PCDHA3: variants seen among roughly 807,000 people sequenced by gnomAD.
PCDHA3 encodes the protein protocadherin alpha 3.
Under a neutral mutation model 62.2 loss-of-function variants are expected in PCDHA3, and 41 were observed. The ratio of observed to expected loss-of-function variants is 0.66; its 90% CI spans 0.51 to 0.86. The LOEUF is 0.86. Ranked by LOEUF, PCDHA3 falls within the 40% of genes least tolerant of loss-of-function variation. The pLI, the probability that PCDHA3 is intolerant of heterozygous loss-of-function variation, is 0.00. For missense variants in PCDHA3, 1,304 were observed against 1,241.2 expected (o/e 1.05, Z -0.76); for synonymous variants, 640 against 555.4 (o/e 1.15, Z -2.14).
At chr5:141,007,878 C>G (rs1316002060) in intron 3 of PCDHA3, among the ~76,000 whole-genome samples, 5 of 152,212 alleles carry the variant, frequency 3.3e-5, no homozygotes, top group African/African-American at 7.2e-5. Flanking sequence ...TTGTCTTACA[C>G]TTCTTTAAAA....
chr5:140,896,738 T>C (rs2065731964), intron 1 of PCDHA3, among the ~76,000 whole-genome samples: 2 of 152,180 alleles, frequency 1.3e-5, no homozygotes, highest in African/African-American at 4.8e-5. Context: ...AAGTTCCTTA[T>C]AGATTCTGGA....
At chr5:140,830,056 T>G (rs1770781900) in intron 1 of PCDHA3, 1 of 1,613,606 alleles carries the variant, frequency 6.2e-7, no homozygotes, top group Non-Finnish European at 8.5e-7. Flanking sequence ...AAGACCACGG[T>G]GAGCCGGCGC....
chr5:140,910,766 T>C (rs2075154722), intron 1 of PCDHA3, among the ~76,000 whole-genome samples: 2 of 152,198 alleles, frequency 1.3e-5, no homozygotes, highest in South Asian at 2.1e-4. Context: ...CTTTTTAAAC[T>C]CCCCAAGCTG....
chr5:140,986,246 C>T (rs561365390), intron 3 of PCDHA3, among the ~76,000 whole-genome samples: 1 of 152,178 alleles, frequency 6.6e-6, no homozygotes, highest in African/African-American at 2.4e-5. Flanking sequence ...TGAGCAGACC[C>T]GGACCACAGG....
At chr5:140,884,864 T>C (rs1048751495) in intron 1 of PCDHA3, among the ~76,000 whole-genome samples, 1 of 152,234 alleles carries the variant, frequency 6.6e-6, no homozygotes, top group African/African-American at 2.4e-5. Flanking sequence ...TCACAAACCA[T>C]AATGAAATGT....
chr5:140,808,904 A>T (rs1764298132), intron 1 of PCDHA3: 1 of 1,613,488 alleles, frequency 6.2e-7, no homozygotes, highest in East Asian at 2.2e-5. Flanking sequence ...GGCGGGTGGC[A>T]CTGGTGGCGC....
At position 141,011,045 on chromosome 5, in the gene PCDHA3, G is replaced by A. The variant is rs949707438; in HGVS notation, c.*1108G>A. 2 of 153,712 alleles carry A rather than the reference G, an allele frequency of 1.3e-5. No individual in the cohort carries two copies. Among genetic ancestry groups the A allele is most frequent in the African/African-American group, 4.8e-5 (2 of 41,422 alleles). The allele number at this position is 153,712 out of a possible 1,614,324, so 9.5% of individuals were successfully genotyped here. ...CAGCTTTACTCTTTCAGGTCACTCT[G>A]GGGCTGCCTCTTGCATGTATTACTA... On this transcript the variant is annotated 3_prime_UTR_variant, in exon 4 of 4. Coordinates refer to ENST00000522353, the MANE Select transcript of PCDHA3 (RefSeq NM_018906.3).
intron 1 of PCDHA3, among the ~76,000 whole-genome samples, chr5:140,960,872 AAT>A (rs2095576865): frequency 6.6e-6 from 1 of 152,232 alleles, no homozygotes; most frequent in Admixed American, 6.5e-5. Flanking sequence ...AATTAGCTGA[AAT>A]ACACACTAAT....
At chr5:140,882,088 T>G (rs1334008975) in intron 1 of PCDHA3, 3 of 1,087,274 alleles carry the variant, frequency 2.8e-6, no homozygotes, top group African/African-American at 1.6e-5. Flanking sequence ...CGCTCTTCAC[T>G]GAGAACGTTT....
chr5:140,846,369 CTTTCTTTTTTT>C (rs1554141260), intron 1 of PCDHA3, among the ~76,000 whole-genome samples: 1 of 102,192 alleles, frequency 9.8e-6, no homozygotes, highest in Admixed American at 1.1e-4. Context: ...TCTTTTCTTT[CTTTCTTTTTTT>C]TTTTTTTTTT....
intron 1 of PCDHA3, among the ~76,000 whole-genome samples, chr5:140,872,998 G>C (rs2054022914): frequency 6.6e-6 from 1 of 152,060 alleles, no homozygotes; most frequent in African/African-American, 2.4e-5. Flanking sequence ...TTACTTCTGA[G>C]TCATTCTTCA....
chr5:140,944,463 A>C (rs2093660880), intron 1 of PCDHA3, among the ~76,000 whole-genome samples: 1 of 152,198 alleles, frequency 6.6e-6, no homozygotes, highest in Admixed American at 6.5e-5. Flanking sequence ...CTGGGATTAC[A>C]GGTATGAGGC....
At chr5:141,003,123 T>C (rs1387983867) in intron 3 of PCDHA3, among the ~76,000 whole-genome samples, 1 of 152,240 alleles carries the variant, frequency 6.6e-6, no homozygotes, top group Non-Finnish European at 1.5e-5. Flanking sequence ...GGCCCTTTCC[T>C]GGCATTTGCC....
At chr5:140,996,697 C>T (rs559736986) in intron 3 of PCDHA3, among the ~76,000 whole-genome samples, 1 of 152,236 alleles carries the variant, frequency 6.6e-6, no homozygotes, top group East Asian at 1.9e-4. Flanking sequence ...TCTTCTGAAC[C>T]TCTATCTCTT....
At chr5:140,871,651 T>C (rs1415489448) in intron 1 of PCDHA3, 20 of 1,258,470 alleles carry the variant, frequency 1.6e-5, no homozygotes, top group Non-Finnish European at 1.9e-5. Flanking sequence ...TACCAAATGA[T>C]ACACATCTTC....
At chr5:140,865,367 A>G (rs1392735028) in intron 1 of PCDHA3, 1 of 152,348 alleles carries the variant, frequency 6.6e-6, no homozygotes, top group Middle Eastern at 3.4e-3. Flanking sequence ...CAGGATAACC[A>G]TGTTATAGGT....
intron 1 of PCDHA3, chr5:140,927,862 G>A (rs1397918624): frequency 2.5e-6 from 4 of 1,614,082 alleles, no homozygotes; most frequent in African/African-American, 2.7e-5. Context: ...AGCTAGCACC[G>A]CTAAACTGCT....
chr5:140,858,489 C>A, intron 1 of PCDHA3: 1 of 1,498,912 alleles, frequency 6.7e-7, no homozygotes, highest in Non-Finnish European at 9.1e-7. Flanking sequence ...AATATTTTCT[C>A]TTACCGCATT....
rs780758944 is a variant in PCDHA3 at position 140,904,284 on chromosome 5, T to G, written c.2395-74665T>G. Among the ~76,000 whole-genome samples the G allele has an allele frequency of 1.3e-3, 196 of 152,216 alleles. 3 individuals carry two copies. The highest frequency in any genetic ancestry group is 1.2e-3 in the Non-Finnish European group (83 of 68,010). ...CACTTATGAATGAGAACATGTGGTG[T>G]TTGGTTTTCCATTCCTGAGTTTCTT... On this transcript the variant is annotated intron_variant, in intron 1 of 3. Transcript: ENST00000522353.
Sources: allele counts gnomAD v4.1 joint callset (sites outside exome capture counted in the v4.1 genomes callset), GRCh38; gene constraint gnomAD v4.1.1; transcripts MANE v1.5; gene names NCBI Gene and HGNC (gene_info 2026-07-23, HGNC 2026-07-21).